Variants in GAREM2 observed in about 807,000 individuals in gnomAD.
The protein encoded by GAREM2 is GRB2 associated regulator of MAPK1 subtype 2, also known as GRB2-associated and regulator of MAPK protein 2.
Under a neutral mutation model 55.6 loss-of-function variants are expected in GAREM2, and 30 were observed. The observed-to-expected ratio is 0.54, with a 90% CI of 0.40 to 0.73. The LOEUF (loss-of-function observed/expected upper bound fraction) is 0.73. Ranked by LOEUF, GAREM2 falls within the 30% of genes least tolerant of loss-of-function variation. The pLI is 0.00. For missense variants in GAREM2, 1,075 were observed against 1,257.7 expected (o/e 0.85, Z 2.20); for synonymous variants, 550 against 569.1 (o/e 0.97, Z 0.48).
Position 26,182,970 on chromosome 2 carries a change from A to T in GAREM2, c.257A>T (p.Lys86Met). The T allele has an allele frequency of 6.4e-7, 1 of 1,551,616 alleles. No homozygotes were observed. Residue 86 changes from lysine to methionine, a missense_variant, in exon 3 of 6, where the codon AAG (lysine) becomes ATG (methionine). Physicochemically the swap from Lys to Met is moderately conservative, Grantham distance 95 (BLOSUM62 -1). This residue lies in a region of GAREM2 where 230 missense variants were observed against 310.6 expected (regional missense o/e 0.74). Coordinates refer to ENST00000401533, the MANE Select transcript of GAREM2 (RefSeq NM_001168241.2). ...KIDIPLQYPG[K>M]FKLLEQARDV... ...ACTTTTGTCACCCACTATGCAGGGA[A>T]GTTCAAGCTCCTGGAACAGGCCCGG...
chr2:26,187,203 A>G, intron 5 of GAREM2, 28 bp from the exon 6 acceptor site: 1 of 1,434,306 alleles, frequency 7.0e-7, no homozygotes, highest in Non-Finnish European at 9.2e-7. Flanking sequence ...CACCTGTCCT[A>G]TGTGTGTGTG....
At position 26,186,375 on chromosome 2, in the gene GAREM2, C is replaced by T. The variant is rs745366691; in HGVS notation, c.1598+17C>T. The T allele has an allele frequency of 2.6e-6, 4 of 1,550,754 alleles. No homozygotes were observed. Among genetic ancestry groups the T allele is most frequent in the Non-Finnish European group, 1.7e-6 (2 of 1,146,108 alleles). ...CCAGGATGGGTGAGTCCCTGCCTTC[C>T]CTTGGTCCTGAGTTCTAAGGTAGAT... On this transcript the variant is annotated intron_variant, in intron 5 of 5. Transcript: ENST00000401533.
At position 26,179,109 on chromosome 2, in the gene GAREM2, C is replaced by A. The variant is rs556634417; in HGVS notation, c.253+2625C>A. Among the ~76,000 whole-genome samples the A allele has an allele frequency of 8.9e-4, 135 of 152,296 alleles. No homozygotes were observed. Among genetic ancestry groups the A allele is most frequent in the African/African-American group, 3.0e-3 (124 of 41,568 alleles). ...CTCGCGCCGGGTGGGGCTGAAGGCA[C>A]TGCGGGGTGACTCGGTCTCCAGGCT... On this transcript the variant is annotated intron_variant, in intron 2 of 5. Coordinates refer to ENST00000401533, the MANE Select transcript of GAREM2 (RefSeq NM_001168241.2). This position sits in a 1 kb window ranked among gnomAD's most constrained non-coding sequence, Gnocchi z 4.7.
intron 3 of GAREM2, 33 bp from the exon 4 acceptor site, chr2:26,184,200 G>T (rs1179099579): frequency 6.5e-7 from 1 of 1,545,582 alleles, no homozygotes; most frequent in East Asian, 2.5e-5. Context: ...CTGGGACCTG[G>T]CTAAGGCCCT....
chr2:26,173,159 G>A lies in GAREM2; in HGVS notation c.-62G>A. ...CCGGGAGGTGGCGGCGGGCGCGAGA[G>A]CCTGGGCCGCGCGGGACTGACCGTC... is the stretch of plus-strand genomic sequence containing the variant. On this transcript the variant is annotated 5_prime_UTR_variant, in exon 1 of 6. Transcript: ENST00000401533. 1 of 550,982 alleles carries A rather than the reference G, an allele frequency of 1.8e-6. No individual in the cohort carries two copies. Among genetic ancestry groups the A allele is most frequent in the Non-Finnish European group, 2.4e-6 (1 of 410,188 alleles). The allele number at this position is 550,982 out of a possible 1,614,324, so 34.1% of individuals were successfully genotyped here.
chr2:26,188,180 G>T lies in GAREM2; in HGVS notation c.2548G>T (p.Ala850Ser). The stretch of plus-strand genomic sequence containing the variant: ...TGTGCAGCTCAGTGAGGACATCCTG[G>T]CAGATGACTTCCACCTCACCAAGCT... ...IFVQLSEDIL[A>S]DDFHLTKLQV... The change falls in exon 6 of 6, where the codon GCA (alanine) becomes TCA (serine). Residue 850 changes from alanine to serine, a missense_variant. Transcript: ENST00000401533. The T allele has an allele frequency of 6.5e-7, 1 of 1,546,650 alleles. No homozygotes were observed. Among genetic ancestry groups the T allele is most frequent in the Non-Finnish European group, 8.7e-7 (1 of 1,144,080 alleles).
chr2:26,197,326 G>C, the GAREM2 span, among the ~76,000 whole-genome samples: 2 of 152,178 alleles, frequency 1.3e-5, no homozygotes. Context: ...TCCCTGATCT[G>C]GAGGTGGAAC....
intron 5 of GAREM2, 43 bp downstream of exon 5, chr2:26,186,401 C>T (rs1669260803): frequency 1.3e-6 from 2 of 1,528,988 alleles, no homozygotes; most frequent in East Asian, 4.9e-5. Context: ...TAAGGTAGAT[C>T]AAGGCAGGGA....
At chr2:26,182,624 A>G in intron 2 of GAREM2, 2 of 900,456 alleles carry the variant, frequency 2.2e-6, no homozygotes, top group Non-Finnish European at 3.5e-6. Flanking sequence ...CCGGTACCAC[A>G]CTGATAGTTG....
downstream of GAREM2, chr2:26,190,640 G>A: frequency 6.3e-6 from 1 of 158,366 alleles, no homozygotes; most frequent in Admixed American, 6.0e-5. Flanking sequence ...GGAAATCCAG[G>A]CTGGGGAAAG....
intron 4 of GAREM2, among the ~76,000 whole-genome samples, chr2:26,185,501 C>T (rs1181979311): frequency 6.6e-6 from 1 of 152,136 alleles, no homozygotes; most frequent in Non-Finnish European, 1.5e-5. Flanking sequence ...GTGTAGGTCC[C>T]CAGCCTCAGA....
the GAREM2 span, among the ~76,000 whole-genome samples, chr2:26,195,552 T>C: frequency 6.7e-6 from 1 of 149,738 alleles, no homozygotes; most frequent in Non-Finnish European, 1.5e-5. Context: ...GTTCCACTTA[T>C]ATTAATGATA....
At chr2:26,182,544 C>T in intron 2 of GAREM2, 1 of 1,506,130 alleles carries the variant, frequency 6.6e-7, no homozygotes, top group Non-Finnish European at 9.0e-7. Context: ...GACCCAGAGG[C>T]CCAGAGAGGG....
chr2:26,175,638 G>A (rs936271759), intron 1 of GAREM2, among the ~76,000 whole-genome samples: 34 of 152,124 alleles, frequency 2.2e-4, no homozygotes, highest in African/African-American at 7.5e-4. Flanking sequence ...CCTCTCCTTC[G>A]AGGTCCCCTG....
downstream of GAREM2, chr2:26,191,746 G>T (rs1669512319): frequency 2.0e-6 from 2 of 1,017,212 alleles, no homozygotes; most frequent in African/African-American, 1.6e-5. Flanking sequence ...GCCGGTTGGT[G>T]CTGGCCCTCA....
the GAREM2 span, chr2:26,195,279 G>C: frequency 1.3e-6 from 2 of 1,522,444 alleles, no homozygotes; most frequent in Non-Finnish European, 1.8e-6. Flanking sequence ...TGCGGGTGAG[G>C]AACCTGAGAG....
chr2:26,201,724 A>G, the GAREM2 span, among the ~76,000 whole-genome samples: 1 of 152,218 alleles, frequency 6.6e-6, no homozygotes. Flanking sequence ...AGTGTGTCTG[A>G]GACCACATGG....
intron 2 of GAREM2, 93 bp from the exon 3 acceptor site, chr2:26,182,874 T>A: frequency 6.8e-7 from 1 of 1,460,420 alleles, no homozygotes; most frequent in Non-Finnish European, 9.3e-7. Flanking sequence ...TGGCCGAGAT[T>A]ATGGTAGCAA....
At chr2:26,191,588 A>G (rs768784732), downstream of GAREM2, 4 of 1,614,104 alleles carry the variant, frequency 2.5e-6, no homozygotes, top group Non-Finnish European at 3.4e-6. Flanking sequence ...TCATTCACAA[A>G]TCTTGTCACC....
Sources: allele counts gnomAD v4.1 joint callset (sites outside exome capture counted in the v4.1 genomes callset), GRCh38; gene constraint gnomAD v4.1.1; regional missense constraint gnomAD v4.1.1; non-coding constraint Gnocchi (gnomAD v3.1); transcripts MANE v1.5; gene names NCBI Gene and HGNC (gene_info 2026-07-23, HGNC 2026-07-21).